CNKSR2: variants seen among roughly 807,000 people sequenced by gnomAD.
CNKSR2 encodes the protein CNK homolog protein 2.
In CNKSR2, 14 loss-of-function variants were observed where a neutral mutation model predicts 84.4. The ratio of observed to expected loss-of-function variants is 0.17; its 90% CI spans 0.11 to 0.26. The LOEUF is 0.26. CNKSR2 is among the 10% of genes least tolerant of loss of function. CNKSR2 has a pLI of 1.00. For missense variants in CNKSR2, 485 were observed against 771.2 expected, an observed-to-expected ratio of 0.63 and a Z score of 4.40; for synonymous variants, 275 against 277.9, an observed-to-expected ratio of 0.99 and a Z score of 0.10.
chrX:21,635,492 G>GTGTATATA (rs1256479325), intron 20 of CNKSR2, among the ~76,000 whole-genome samples: 3 of 103,400 alleles, frequency 2.9e-5, no homozygotes, highest in Non-Finnish European at 5.8e-5. Context: ...ATATGTATAT[G>GTGTATATA]TGTATATATG....
chrX:21,402,187 T>C (rs1363706667), intron 1 of CNKSR2, among the ~76,000 whole-genome samples: 1 of 111,224 alleles, frequency 9.0e-6, no homozygotes. Flanking sequence ...AGGTTAGCAG[T>C]ACATAACCTG....
rs935244700 is a variant in CNKSR2, at chrX:21,533,463, A to T, written c.1303+1396A>T. Among the ~76,000 whole-genome samples, 3 of 111,188 alleles carry T rather than the reference A, an allele frequency of 2.7e-5. No homozygotes were observed. In the East Asian group the frequency reaches 8.5e-4, roughly 32 times the overall value. On this transcript the variant is annotated intron_variant, in intron 11 of 21. Coordinates refer to ENST00000379510, the MANE Select transcript of CNKSR2 (RefSeq NM_014927.5). Reference sequence around the variant, plus strand: ...CTATTTTCTACTTGTGTTGAAGTAGATAATTAATGTTTAATTTAAGAGAAA... The same window carrying T: ...CTATTTTCTACTTGTGTTGAAGTAGTTAATTAATGTTTAATTTAAGAGAAA...
intron 1 of CNKSR2, chrX:21,423,972 T>G (rs1419573987): frequency 4.5e-5 from 5 of 111,439 alleles, no homozygotes; most frequent in African/African-American, 9.8e-5. Context: ...TGAGATGTGT[T>G]TTTTCAGTCT....
rs972531119 is a variant in CNKSR2 at position 21,543,025 on chromosome X, T to A, written c.1303+10958T>A. On this transcript the variant is annotated intron_variant, in intron 11 of 21. Coordinates refer to ENST00000379510, the MANE Select transcript of CNKSR2 (RefSeq NM_014927.5). ...AGAAAATCAAATACTATGTCCTTTTTATCCACATAAATAGCAAACGGCTTG... is the reference window on the plus strand; with the variant it reads ...AGAAAATCAAATACTATGTCCTTTTAATCCACATAAATAGCAAACGGCTTG... 8.9e-5 allele frequency among the ~76,000 whole-genome samples: 10 copies of A among 112,682 alleles called. No homozygotes were observed. In the East Asian group the frequency reaches 2.2e-3, roughly 25 times the overall value.
intron 17 of CNKSR2, among the ~76,000 whole-genome samples, chrX:21,596,537 A>G (rs1046373348): frequency 9.0e-6 from 1 of 111,330 alleles, no homozygotes; most frequent in African/African-American, 3.3e-5. Flanking sequence ...CTCTAAAACA[A>G]TTGTACCCAG....
intron 20 of CNKSR2, among the ~76,000 whole-genome samples, chrX:21,615,521 T>C (rs139637132): frequency 0.01 from 1,171 of 111,786 alleles, 17 homozygotes; most frequent in African/African-American, 0.037. Context: ...TCAAATCATA[T>C]GGTAATAATA....
At chrX:21,494,290 A>G (rs2091471114) in intron 6 of CNKSR2, 1 of 111,675 alleles carries the variant, frequency 9.0e-6, no homozygotes, top group Non-Finnish European at 1.9e-5. Context: ...ACTCTTGTCA[A>G]ACACCTTTAA....
At chrX:21,381,692 C>T (rs1277076816) in intron 1 of CNKSR2, among the ~76,000 whole-genome samples, 1 of 112,204 alleles carries the variant, frequency 8.9e-6, no homozygotes, top group African/African-American at 3.2e-5. Context: ...AGGTAAGCGT[C>T]ATGCCCAGCA....
At chrX:21,635,518 GTA>G (rs778450654) in intron 20 of CNKSR2, among the ~76,000 whole-genome samples, 56 of 104,246 alleles carry the variant, frequency 5.4e-4, no homozygotes, top group African/African-American at 1.3e-3. Context: ...ATGTATATGT[GTA>G]TATATATGTA....
chrX:21,544,703 G>A (rs1433819870), intron 11 of CNKSR2, among the ~76,000 whole-genome samples: 1 of 111,275 alleles, frequency 9.0e-6, no homozygotes, highest in African/African-American at 3.3e-5. Context: ...TCATCTCACT[G>A]GGACTGGTTA....
At chrX:21,503,327 C>T (rs1472817150) in intron 8 of CNKSR2, 4 of 293,245 alleles carry the variant, frequency 1.4e-5, no homozygotes, top group Admixed American at 6.2e-5. Context: ...TGACTTATGG[C>T]TTTAAGTGAG....
chrX:21,617,922 C>G (rs1235446366), intron 20 of CNKSR2, among the ~76,000 whole-genome samples: 1 of 82,927 alleles, frequency 1.2e-5, no homozygotes, highest in Admixed American at 1.4e-4. Context: ...CCCCCCCACA[C>G]ACACACCCCG....
chrX:21,586,425 A>G (rs957921228), intron 13 of CNKSR2, among the ~76,000 whole-genome samples: 2 of 111,659 alleles, frequency 1.8e-5, no homozygotes, highest in Admixed American at 1.9e-4. Flanking sequence ...ACTGCAACCC[A>G]TTGCCACCAC....
intron 9 of CNKSR2, among the ~76,000 whole-genome samples, chrX:21,526,655 G>A (rs904437552): frequency 1.8e-5 from 2 of 111,119 alleles, no homozygotes; most frequent in African/African-American, 6.5e-5. Context: ...GGAGTGAAGT[G>A]GAAACCTTTA....
At chrX:21,499,184 A>G (rs892984051) in intron 7 of CNKSR2, among the ~76,000 whole-genome samples, 9 of 112,108 alleles carry the variant, frequency 8.0e-5, no homozygotes, top group African/African-American at 2.9e-4. Context: ...TATGCTTGTC[A>G]TCAATTGTTC....
intron 20 of CNKSR2, among the ~76,000 whole-genome samples, chrX:21,635,000 G>A (rs1427978387): frequency 1.9e-5 from 2 of 106,635 alleles, no homozygotes; most frequent in Non-Finnish European, 3.9e-5. Context: ...ATATCATTCA[G>A]TATTAGCTCC....
intron 8 of CNKSR2, chrX:21,506,142 CAT>C (rs910265933): frequency 9.0e-6 from 1 of 111,412 alleles, no homozygotes; most frequent in African/African-American, 3.3e-5. Flanking sequence ...TGTAAACACA[CAT>C]GTTGCTGGAC....
intron 13 of CNKSR2, among the ~76,000 whole-genome samples, chrX:21,585,028 G>T: frequency 9.2e-6 from 1 of 108,969 alleles, no homozygotes; most frequent in Admixed American, 9.9e-5. Context: ...GATCACTTGA[G>T]CCCAGGAGTT....
chrX:21,650,070 AC>A (rs2092716911), intron 21 of CNKSR2, among the ~76,000 whole-genome samples: 1 of 111,539 alleles, frequency 9.0e-6, no homozygotes, highest in African/African-American at 3.3e-5. Context: ...CCATCCCATT[AC>A]TGGGTATATA....
Sources: gnomAD v4.1 joint callset for allele counts (sites outside exome capture counted in the v4.1 genomes callset) on GRCh38, gnomAD v4.1.1 for gene constraint, MANE v1.5 for transcripts, NCBI Gene and HGNC (gene_info 2026-07-23, HGNC 2026-07-21) for gene names.